Variants in IL18RAP observed in about 807,000 individuals in gnomAD.
The protein encoded by IL18RAP is interleukin-18 receptor accessory protein.
A neutral mutation model predicts 58.1 loss-of-function variants in IL18RAP; 37 were observed. That is an observed-to-expected ratio of 0.64 (90% CI 0.49 to 0.84). The LOEUF (loss-of-function observed/expected upper bound fraction) is 0.84, where lower values mean the gene tolerates loss of function less well. Among genes scored for constraint, IL18RAP ranks in the 40% least tolerant of loss-of-function variants. IL18RAP has a pLI of 0.00. For synonymous variants in IL18RAP, 268 were observed against 257.5 expected, an observed-to-expected ratio of 1.04 and a Z score of -0.39; for missense variants, 667 against 704.8, an observed-to-expected ratio of 0.95 and a Z score of 0.61.
intron 8 of IL18RAP, 139 bp downstream of exon 8, chr2:102,447,346 C>G: frequency 1.1e-6 from 1 of 947,994 alleles, no homozygotes; most frequent in Non-Finnish European, 1.6e-6. Flanking sequence ...ATGTCCCCTG[C>G]CAGCCAGGGC....
intron 3 of IL18RAP, 136 bp downstream of exon 3, chr2:102,424,550 A>G (rs1210210352): frequency 1.4e-6 from 1 of 698,220 alleles, no homozygotes; most frequent in Non-Finnish European, 2.4e-6. Context: ...CCTCTGCAGG[A>G]GATCTGACTT....
At chr2:102,422,184 C>T (rs1236350965), upstream of IL18RAP, among the ~76,000 whole-genome samples, 3 of 152,202 alleles carry the variant, frequency 2.0e-5, no homozygotes, top group African/African-American at 7.2e-5. Context: ...AACCAAGACT[C>T]TTTGGTGGAC....
At chr2:102,445,417 A>G in intron 7 of IL18RAP, 77 bp downstream of exon 7, 2 of 1,401,268 alleles carry the variant, frequency 1.4e-6, no homozygotes, top group Non-Finnish European at 2.0e-6. Flanking sequence ...AAGAATAGTA[A>G]TAATGATGAC....
At chr2:102,425,158 T>C (rs1201486480) in intron 3 of IL18RAP, among the ~76,000 whole-genome samples, 1 of 152,188 alleles carries the variant, frequency 6.6e-6, no homozygotes, top group Non-Finnish European at 1.5e-5. Flanking sequence ...CTTCCTACAA[T>C]TGCAATAACT....
Position 102,428,293 on chromosome 2 carries a change from G to A in IL18RAP, c.579+3879G>A, listed in dbSNP as rs1682097374. ...ATGTGTAGATCACTTTGAGTAGTAA[G>A]GACATTTTCTCAATATTAATTCTTC... On this transcript the variant is annotated intron_variant, in intron 3 of 9. Coordinates refer to ENST00000687160, the MANE Select transcript of IL18RAP (RefSeq NM_001393487.1). 3.7e-5 allele frequency among the ~76,000 whole-genome samples: 5 copies of A among 134,232 alleles called. No homozygotes were observed. The South Asian group carries it at 1.2e-3, about 32-fold the overall frequency. 88.1% of individuals were successfully genotyped at this position (134,232 alleles called of 152,430 possible). A position where few individuals can be genotyped will look rare whatever the true frequency, so the allele number is the denominator to read the frequency against.
chr2:102,424,665 T>C (rs1289997457), intron 3 of IL18RAP, among the ~76,000 whole-genome samples: 2 of 152,176 alleles, frequency 1.3e-5, no homozygotes, highest in Admixed American at 6.5e-5. Context: ...TCAAGTATAT[T>C]ACACATGAGG....
In IL18RAP at chr2:102,424,329, T is replaced by C; in HGVS notation, c.494T>C (p.Leu165Pro). ...CEYSASHKQD[L>P]LLGSTGSISC... ...TATTCCGCATCACATAAGCAAGACC[T>C]ACTTCTTGGGAGCACTGGCTCTATT... is the stretch of plus-strand genomic sequence containing the variant. Residue 165 changes from leucine (L) to proline (P), a missense_variant, in exon 3 of 10, where the codon CTA becomes CCA. Physicochemically the swap from Leu to Pro is moderately conservative, Grantham distance 98. Transcript: ENST00000687160. 1 of 1,614,098 alleles carries C rather than the reference T, an allele frequency of 6.2e-7. No individual in the cohort carries two copies. Among genetic ancestry groups the C allele is most frequent in the South Asian group, 1.1e-5 (1 of 91,092 alleles).
rs1227759916 is a variant in IL18RAP, at chr2:102,443,322, A to C, written c.919A>C (p.Ser307Arg). The change falls in exon 6 of 10, where the codon AGT becomes CGT. Residue 307 changes from serine to arginine, a missense_variant and splice_region_variant. By Grantham distance (110) the Ser-to-Arg change is moderately radical. Coordinates refer to ENST00000687160, the MANE Select transcript of IL18RAP (RefSeq NM_001393487.1). ...EWEVSVPEAK[S>R]IKSTLKDEII... is the part of the protein sequence containing the mutation. ...GGAAGTCTCAGTACCTGAGGCGAAA[A>C]GGTAAGAAAAAAACTCACGGATTCT... The C allele has an allele frequency of 6.2e-7, 1 of 1,611,524 alleles. No homozygotes were observed. The highest frequency in any genetic ancestry group is 8.5e-7 in the Non-Finnish European group (1 of 1,179,568).
intron 9 of IL18RAP, 44 bp from the exon 10 acceptor site, chr2:102,451,722 G>C (rs969645535): frequency 1.3e-6 from 2 of 1,535,642 alleles, no homozygotes; most frequent in African/African-American, 2.7e-5. Flanking sequence ...CTGACTCAAG[G>C]TTTAACAATA....
intron 3 of IL18RAP, among the ~76,000 whole-genome samples, chr2:102,431,951 A>C (rs551965862): frequency 6.6e-6 from 1 of 152,166 alleles, no homozygotes; most frequent in East Asian, 1.9e-4. Flanking sequence ...TCATTATGAT[A>C]GCTTTCTTAG....
chr2:102,427,621 C>T (rs1682038553), intron 3 of IL18RAP, among the ~76,000 whole-genome samples: 1 of 152,152 alleles, frequency 6.6e-6, no homozygotes, highest in South Asian at 2.1e-4. Context: ...CACATTAACT[C>T]CTTATCAGAT....
At chr2:102,426,933 C>T (rs975050603) in intron 3 of IL18RAP, among the ~76,000 whole-genome samples, 1 of 152,056 alleles carries the variant, frequency 6.6e-6, no homozygotes, top group Non-Finnish European at 1.5e-5. Flanking sequence ...ATCAAGCCTC[C>T]ATAATCATCA....
rs1390454264 is a variant in IL18RAP at position 102,452,496 on chromosome 2, A to C, written c.*315A>C. 6.5e-6 allele frequency: 2 copies of C among 308,590 alleles called. No individual in the cohort carries two copies. The highest frequency in any genetic ancestry group is 4.5e-5 in the Admixed American group (1 of 22,278). The allele number at this position is 308,590 out of a possible 1,614,324, so 19.1% of individuals were successfully genotyped here. ...TCTGCCTTATGGCTAGGGAACTGTCATGTCTACCATGTATTGTACATATGA... is the reference window on the plus strand; with the variant it reads ...TCTGCCTTATGGCTAGGGAACTGTCCTGTCTACCATGTATTGTACATATGA... On this transcript the variant is annotated 3_prime_UTR_variant, in exon 10 of 10. Coordinates refer to ENST00000687160, the MANE Select transcript of IL18RAP (RefSeq NM_001393487.1).
At chr2:102,429,408 G>A (rs1486199988) in intron 3 of IL18RAP, among the ~76,000 whole-genome samples, 1 of 151,818 alleles carries the variant, frequency 6.6e-6, no homozygotes, top group African/African-American at 2.4e-5. Context: ...TGTGGTATTG[G>A]TTGTAATGTC....
At chr2:102,437,430 A>G (rs1682823790) in intron 4 of IL18RAP, 68 bp downstream of exon 4, 1 of 1,509,880 alleles carries the variant, frequency 6.6e-7, no homozygotes, top group South Asian at 1.2e-5. Context: ...CTTTTGGCTT[A>G]GTAAGTTTTT....
chr2:102,452,150 C>G lies in IL18RAP; in HGVS notation c.1769C>G (p.Thr590Ser). 6.2e-7 allele frequency: 1 copy of G among 1,611,082 alleles called. No homozygotes were observed. The highest frequency in any genetic ancestry group is 1.1e-5 in the South Asian group (1 of 90,602). ...QWKGLSRTET[T>S]GRSSQPKEW ...AAAGGACTCAGTAGAACAGAAACCA[C>G]TGGGAGGAGCTCCCAGCCTAAGGAA... Residue 590 changes from threonine to serine, a missense_variant, in exon 10 of 10, where the codon ACT becomes AGT. Physicochemically the swap from Thr to Ser is moderately conservative, Grantham distance 58. Transcript: ENST00000687160.
At chr2:102,445,073 T>C (rs1187138003) in intron 6 of IL18RAP, 116 bp from the exon 7 acceptor site, 5 of 776,416 alleles carry the variant, frequency 6.4e-6, no homozygotes, top group Non-Finnish European at 8.4e-6. Context: ...TCTTATACTA[T>C]TGATCTCACA....
At chr2:102,429,307 A>C (rs532482008) in intron 3 of IL18RAP, among the ~76,000 whole-genome samples, 2 of 151,972 alleles carry the variant, frequency 1.3e-5, no homozygotes, top group Non-Finnish European at 2.9e-5. Context: ...GGTAGGTTGT[A>C]TGTGTCTAGG....
At chr2:102,424,991 G>A (rs772708412) in intron 3 of IL18RAP, among the ~76,000 whole-genome samples, 13 of 152,266 alleles carry the variant, frequency 8.5e-5, no homozygotes, top group Non-Finnish European at 1.8e-4. Flanking sequence ...CCACATGTAC[G>A]TGAACTCCCA....
Sources: allele counts gnomAD v4.1 joint callset (sites outside exome capture counted in the v4.1 genomes callset), GRCh38; gene constraint gnomAD v4.1.1; transcripts MANE v1.5; gene names NCBI Gene and HGNC (gene_info 2026-07-23, HGNC 2026-07-21).